GLIS3: variants seen among roughly 807,000 people sequenced by gnomAD.
GLIS3 encodes the protein GLIS family zinc finger 3, also known as zinc finger protein GLIS3.
GLIS3 carries 53 observed loss-of-function variants against 78.6 expected under a neutral mutation model. The ratio of observed to expected loss-of-function variants is 0.67; its 90% CI spans 0.54 to 0.85. GLIS3 has a LOEUF of 0.85. GLIS3 is among the 40% of genes least tolerant of loss of function. The probability of loss-of-function intolerance (pLI) is 0.00; values close to 1 mark genes in which losing one functional copy is unlikely to be tolerated. For missense variants in GLIS3, 1,703 were observed against 1,231.1 expected (o/e 1.38, Z -5.74); for synonymous variants, 684 against 509.9 (o/e 1.34, Z -4.60).
intron 2 of GLIS3, among the ~76,000 whole-genome samples, chr9:4,265,097 G>C (rs1162264853): frequency 2.6e-5 from 4 of 151,378 alleles, no homozygotes; most frequent in Admixed American, 2.6e-4. Context: ...GCGTGAACCT[G>C]GGAGGTAGAG....
the GLIS3 span, among the ~76,000 whole-genome samples, chr9:4,477,895 A>G: frequency 6.6e-6 from 1 of 152,348 alleles, no homozygotes; most frequent in East Asian, 1.9e-4. Context: ...ATAATAAAAA[A>G]TGAAATTGGA....
chr9:3,883,766 C>T (rs1821891653), intron 7 of GLIS3, among the ~76,000 whole-genome samples: 1 of 152,226 alleles, frequency 6.6e-6, no homozygotes, highest in South Asian at 2.1e-4. Context: ...TCCAGACATA[C>T]CTGATGACTG....
chr9:4,468,070 G>C, the GLIS3 span, among the ~76,000 whole-genome samples: 1 of 152,118 alleles, frequency 6.6e-6, no homozygotes, highest in African/African-American at 2.4e-5. Context: ...GAAATGAAGT[G>C]AGAAGAGAAG....
intron 2 of GLIS3, among the ~76,000 whole-genome samples, chr9:4,194,242 T>C (rs1326189019): frequency 2.0e-5 from 3 of 152,028 alleles, no homozygotes; most frequent in Non-Finnish European, 4.4e-5. Context: ...TGTATTTTAG[T>C]AGAGACGGGG....
At chr9:4,291,041 C>G (rs1815928842) in intron 1 of GLIS3, among the ~76,000 whole-genome samples, 1 of 152,068 alleles carries the variant, frequency 6.6e-6, no homozygotes, top group South Asian at 2.1e-4. Context: ...AGAAACAGAA[C>G]TGAGATAATT....
chr9:4,175,380 A>G (rs934267577), intron 2 of GLIS3, among the ~76,000 whole-genome samples: 1 of 152,210 alleles, frequency 6.6e-6, no homozygotes, highest in African/African-American at 2.4e-5. Flanking sequence ...GAGGTCTGAA[A>G]AGAAATGTCT....
Position 4,036,272 on chromosome 9 carries a change from CTTTTT to C in GLIS3, c.1710+81491_1710+81495del, listed in dbSNP as rs574580834. On this transcript the variant is annotated intron_variant, in intron 4 of 10. Coordinates refer to ENST00000381971, the MANE Select transcript of GLIS3 (RefSeq NM_001042413.2). ...GGCTAAGAACACAGAAATCAAATCT[CTTTTT>C]TTTTTCTCTCAGGCCTTGCCCTACT... Among the ~76,000 whole-genome samples the C allele has an allele frequency of 2.7e-5, 4 of 149,888 alleles. No homozygotes were observed. In the Admixed American group the frequency reaches 2.7e-4, roughly 10 times the overall value.
intron 4 of GLIS3, among the ~76,000 whole-genome samples, chr9:4,105,033 A>C (rs988649662): frequency 2.0e-5 from 3 of 152,234 alleles, no homozygotes; most frequent in African/African-American, 7.2e-5. Context: ...TTCAGTATTA[A>C]AATGTAAGCC....
intron 4 of GLIS3, among the ~76,000 whole-genome samples, chr9:4,093,180 T>A (rs1047895474): frequency 5.9e-5 from 9 of 151,944 alleles, no homozygotes; most frequent in African/African-American, 1.9e-4. Context: ...CCTCACAGCC[T>A]GTAAGTGGCA....
chr9:4,309,998 A>G (rs1466470575), intron 3 of GLIS3, among the ~76,000 whole-genome samples: 2 of 152,248 alleles, frequency 1.3e-5, no homozygotes, highest in Admixed American at 1.3e-4. Flanking sequence ...GTCTGAACGC[A>G]AACAGCATTT....
At chr9:4,393,193 C>G in the GLIS3 span, among the ~76,000 whole-genome samples, 1 of 152,062 alleles carries the variant, frequency 6.6e-6, no homozygotes, top group Non-Finnish European at 1.5e-5. Flanking sequence ...TCTGTTTTCT[C>G]CATTTGCTGT....
intron 2 of GLIS3, among the ~76,000 whole-genome samples, chr9:4,226,248 G>A (rs979513395): frequency 1.3e-5 from 2 of 152,064 alleles, no homozygotes. Context: ...CTGACCTCTT[G>A]CTTGGTTAAT....
At chr9:4,470,804 A>G in the GLIS3 span, among the ~76,000 whole-genome samples, 1 of 150,622 alleles carries the variant, frequency 6.6e-6, no homozygotes, top group African/African-American at 2.5e-5. Flanking sequence ...GGAAAAGAGG[A>G]AGTCAAATTG....
intron 8 of GLIS3, among the ~76,000 whole-genome samples, chr9:3,871,153 G>A (rs1820944511): frequency 6.6e-6 from 1 of 152,206 alleles, no homozygotes; most frequent in African/African-American, 2.4e-5. Flanking sequence ...CTCATACCCA[G>A]GTCACACTGA....
chr9:4,440,587 G>A, the GLIS3 span, among the ~76,000 whole-genome samples: 1 of 152,138 alleles, frequency 6.6e-6, no homozygotes, highest in African/African-American at 2.4e-5. Context: ...TTTAAATCAG[G>A]TAGTGTTACA....
At chr9:4,154,605 T>A (rs1284069113) in intron 2 of GLIS3, among the ~76,000 whole-genome samples, 5 of 95,986 alleles carry the variant, frequency 5.2e-5, no homozygotes, top group Non-Finnish European at 1.0e-4. Context: ...TCCTTGCGAA[T>A]CAATGATAAA....
At chr9:4,373,507 G>A in the GLIS3 span, among the ~76,000 whole-genome samples, 7 of 152,102 alleles carry the variant, frequency 4.6e-5, no homozygotes, top group Admixed American at 2.6e-4. Flanking sequence ...GAAGCTGCAC[G>A]TATTTCTGGG....
At chr9:4,186,681 G>T (rs1001948603) in intron 2 of GLIS3, among the ~76,000 whole-genome samples, 1 of 151,504 alleles carries the variant, frequency 6.6e-6, no homozygotes, top group Admixed American at 6.6e-5. Flanking sequence ...ACTTTTTAAT[G>T]ATTGCCATTC....
chr9:4,408,977 A>G, the GLIS3 span, among the ~76,000 whole-genome samples: 3 of 151,968 alleles, frequency 2.0e-5, no homozygotes, highest in South Asian at 4.1e-4. Context: ...CCCACTATGT[A>G]CCCACAAAAA....
Sources: gnomAD v4.1 joint callset for allele counts (sites outside exome capture counted in the v4.1 genomes callset) on GRCh38, gnomAD v4.1.1 for gene constraint, MANE v1.5 for transcripts, NCBI Gene and HGNC (gene_info 2026-07-23, HGNC 2026-07-21) for gene names.